Variants in ESRRG observed in about 807,000 individuals in gnomAD.
ESRRG encodes estrogen related receptor gamma.
In ESRRG, 13 loss-of-function variants were observed where a neutral mutation model predicts 44.0. That is an observed-to-expected ratio of 0.30 (90% CI 0.19 to 0.47). The LOEUF is 0.47. Among genes scored for constraint, ESRRG ranks in the 20% least tolerant of loss-of-function variants. The probability of loss-of-function intolerance (pLI) is 1.00; values close to 1 mark genes in which losing one functional copy is unlikely to be tolerated. For missense variants in ESRRG, 395 were observed against 580.6 expected, an observed-to-expected ratio of 0.68 and a Z score of 3.29; for synonymous variants, 215 against 214.6, an observed-to-expected ratio of 1.00 and a Z score of -0.02.
At chr1:217,040,784 A>G (rs2083720711) in intron 1 of ESRRG, among the ~76,000 whole-genome samples, 1 of 152,048 alleles carries the variant, frequency 6.6e-6, no homozygotes, top group Non-Finnish European at 1.5e-5. Context: ...AACCAAACCA[A>G]TTTGTCTCCA....
intron 3 of ESRRG, 62 bp downstream of exon 3, chr1:216,650,910 AT>A: frequency 1.0e-6 from 1 of 977,780 alleles, no homozygotes; most frequent in African/African-American, 1.6e-5. Context: ...AACTGGTGGA[AT>A]TTTTTGCCTC....
intron 2 of ESRRG, among the ~76,000 whole-genome samples, chr1:216,887,371 G>A (rs1235123091): frequency 6.6e-6 from 1 of 152,120 alleles, no homozygotes; most frequent in Non-Finnish European, 1.5e-5. Context: ...TTTCAAACTT[G>A]AACTATCAGA....
intron 3 of ESRRG, among the ~76,000 whole-genome samples, chr1:216,584,230 T>C (rs1271528970): frequency 6.6e-6 from 1 of 152,028 alleles, no homozygotes; most frequent in Non-Finnish European, 1.5e-5. Flanking sequence ...CTCTCTGTTT[T>C]TTTAATTCTA....
At chr1:217,084,982 A>G (rs181788629) in intron 1 of ESRRG, among the ~76,000 whole-genome samples, 2 of 152,272 alleles carry the variant, frequency 1.3e-5, no homozygotes. Context: ...AATATTATAA[A>G]TATACTAATA....
chr1:216,565,535 A>G (rs1398528778), intron 4 of ESRRG, among the ~76,000 whole-genome samples: 1 of 152,228 alleles, frequency 6.6e-6, no homozygotes, highest in Non-Finnish European at 1.5e-5. Flanking sequence ...CACATAACTT[A>G]GAGTTAAATA....
intron 1 of ESRRG, among the ~76,000 whole-genome samples, chr1:217,112,218 A>G (rs2102464603): frequency 6.6e-6 from 1 of 152,336 alleles, no homozygotes; most frequent in Non-Finnish European, 1.5e-5. Flanking sequence ...TGTTTGAGCC[A>G]CAAAGTTTTG....
intron 1 of ESRRG, among the ~76,000 whole-genome samples, chr1:217,105,821 A>G (rs576937945): frequency 5.9e-5 from 9 of 152,170 alleles, no homozygotes; most frequent in Non-Finnish European, 1.3e-4. Context: ...ATTTCCAAGC[A>G]TGCGAAGTTG....
intron 1 of ESRRG, among the ~76,000 whole-genome samples, chr1:217,083,646 A>T (rs1197617658): frequency 6.6e-6 from 1 of 152,242 alleles, no homozygotes; most frequent in Non-Finnish European, 1.5e-5. Context: ...TTAGCTACAA[A>T]GAGCACAGTT....
intron 1 of ESRRG, among the ~76,000 whole-genome samples, chr1:217,107,668 C>T (rs2092614167): frequency 6.6e-6 from 1 of 152,152 alleles, no homozygotes; most frequent in Non-Finnish European, 1.5e-5. Flanking sequence ...AGTGCCCAAA[C>T]TTAATGCTGA....
chr1:216,706,827 A>G (rs2082553709), intron 1 of ESRRG, among the ~76,000 whole-genome samples: 1 of 152,202 alleles, frequency 6.6e-6, no homozygotes, highest in Non-Finnish European at 1.5e-5. Context: ...AATGTGAAAG[A>G]CAATAATTTT....
chr1:216,829,599 G>C (rs1577015010), intron 2 of ESRRG, among the ~76,000 whole-genome samples: 1 of 150,658 alleles, frequency 6.6e-6, no homozygotes, highest in Non-Finnish European at 1.5e-5. Flanking sequence ...CTGTTGCCCA[G>C]GCTGGAATGC....
chr1:216,627,741 A>G (rs2063428979), intron 3 of ESRRG, among the ~76,000 whole-genome samples: 1 of 152,234 alleles, frequency 6.6e-6, no homozygotes, highest in Admixed American at 6.5e-5. Flanking sequence ...CTGTTATTTA[A>G]GCTTTGTTAG....
At chr1:216,921,247 G>A (rs911067425) in intron 2 of ESRRG, among the ~76,000 whole-genome samples, 4 of 152,140 alleles carry the variant, frequency 2.6e-5, no homozygotes, top group African/African-American at 4.8e-5. Context: ...GGAGGAGTAA[G>A]ACAGTGTGTT....
chr1:216,932,159 G>T (rs1049078025), intron 2 of ESRRG, among the ~76,000 whole-genome samples: 1 of 152,154 alleles, frequency 6.6e-6, no homozygotes, highest in African/African-American at 2.4e-5. Context: ...AGCTGAGATT[G>T]TACCACTGCA....
At chr1:216,803,022 T>A (rs957373485) in intron 2 of ESRRG, among the ~76,000 whole-genome samples, 1 of 152,088 alleles carries the variant, frequency 6.6e-6, no homozygotes, top group Non-Finnish European at 1.5e-5. Flanking sequence ...GCCATGAAAG[T>A]CCAGATTCTG....
Position 216,647,151 on chromosome 1 carries a change from C to A in ESRRG, c.589+3822G>T, listed in dbSNP as rs78950338. Among the ~76,000 whole-genome samples the A allele has an allele frequency of 1.8e-4, 27 of 152,024 alleles. 1 individual carries two copies. The East Asian group carries it at 2.9e-3, about 16-fold the overall frequency. On this transcript the variant is annotated intron_variant, in intron 3 of 6. Coordinates refer to ENST00000408911, the MANE Select transcript of ESRRG (RefSeq NM_001438.4). Reference sequence around the variant, plus strand: ...AATCTTGACCAGATTTATAGGTGCACCTTGATTAGTTCTTGTTATTTTCCT... The same window carrying A: ...AATCTTGACCAGATTTATAGGTGCAACTTGATTAGTTCTTGTTATTTTCCT...
intron 2 of ESRRG, among the ~76,000 whole-genome samples, chr1:216,850,925 A>C (rs1475203481): frequency 6.6e-6 from 1 of 151,656 alleles, no homozygotes; most frequent in African/African-American, 2.4e-5. Flanking sequence ...TGTCATGTAA[A>C]GTGCTGATAA....
chr1:216,761,741 C>T lies in ESRRG; in HGVS notation c.-13-84250G>A, dbSNP rs1405284273. On this transcript the variant is annotated intron_variant, in intron 2 of 7. Coordinates refer to the ESRRG transcript ENST00000359162. Reference sequence around the variant, plus strand: ...TAAATATGACCACAGTTTGAAATACCTTAATACTTGTCAAGTAATGGGAAA... The same window carrying T: ...TAAATATGACCACAGTTTGAAATACTTTAATACTTGTCAAGTAATGGGAAA... Among the ~76,000 whole-genome samples the T allele has an allele frequency of 2.0e-5, 3 of 152,122 alleles. No individual in the cohort carries two copies. In the East Asian group the frequency reaches 5.8e-4, roughly 29 times the overall value.
At chr1:217,104,146 T>C (rs2092557926) in intron 1 of ESRRG, among the ~76,000 whole-genome samples, 1 of 152,220 alleles carries the variant, frequency 6.6e-6, no homozygotes, top group South Asian at 2.1e-4. Context: ...TTCATACTTC[T>C]GTTCTTCCAC....
Sources: allele counts gnomAD v4.1 joint callset (sites outside exome capture counted in the v4.1 genomes callset), GRCh38; gene constraint gnomAD v4.1.1; transcripts MANE v1.5; gene names NCBI Gene and HGNC (gene_info 2026-07-23, HGNC 2026-07-21).